SCHIP1: variants seen among roughly 807,000 people sequenced by gnomAD.
SCHIP1 encodes schwannomin interacting protein 1, also known as schwannomin-interacting protein 1.
Under a neutral mutation model 29.7 loss-of-function variants are expected in SCHIP1, and 8 were observed. That is an observed-to-expected ratio of 0.27 (90% CI 0.16 to 0.49). The LOEUF is 0.49. Ranked by LOEUF, SCHIP1 falls within the 20% of genes least tolerant of loss-of-function variation. SCHIP1 has a pLI of 0.99. For synonymous variants in SCHIP1, 76 were observed against 94.9 expected, an observed-to-expected ratio of 0.80 and a Z score of 1.16; for missense variants, 193 against 294.6, an observed-to-expected ratio of 0.66 and a Z score of 2.52.
the SCHIP1 span, among the ~76,000 whole-genome samples, chr3:159,363,031 C>A: frequency 6.6e-6 from 1 of 152,148 alleles, no homozygotes; most frequent in African/African-American, 2.4e-5. Flanking sequence ...TCCCTCTCTC[C>A]CTTCTCAGTT....
the SCHIP1 span, among the ~76,000 whole-genome samples, chr3:159,386,461 C>T: frequency 6.6e-6 from 1 of 152,202 alleles, no homozygotes; most frequent in African/African-American, 2.4e-5. Flanking sequence ...TGAAAATGAA[C>T]ATACTGCCCA....
the SCHIP1 span, among the ~76,000 whole-genome samples, chr3:159,419,536 C>T: frequency 3.3e-5 from 5 of 152,152 alleles, no homozygotes; most frequent in Admixed American, 6.6e-5. Context: ...TGGCTGGGCA[C>T]GTTGACTCAC....
the SCHIP1 span, among the ~76,000 whole-genome samples, chr3:159,563,851 A>AACAGCAATCC: frequency 6.6e-6 from 1 of 152,036 alleles, no homozygotes; most frequent in Non-Finnish European, 1.5e-5. Context: ...TAGAAGGAAA[A>AACAGCAATCC]ACAGCAATCC....
chr3:159,556,509 G>A, the SCHIP1 span, among the ~76,000 whole-genome samples: 1 of 152,038 alleles, frequency 6.6e-6, no homozygotes, highest in South Asian at 2.1e-4. Flanking sequence ...CAAAGACTTG[G>A]AACCAACCCA....
chr3:159,394,987 T>A, the SCHIP1 span, among the ~76,000 whole-genome samples: 2 of 152,236 alleles, frequency 1.3e-5, no homozygotes, highest in Non-Finnish European at 2.9e-5. Context: ...TTTTCACAAA[T>A]TCAGATCCTG....
chr3:159,398,177 C>A, the SCHIP1 span, among the ~76,000 whole-genome samples: 4 of 152,182 alleles, frequency 2.6e-5, no homozygotes, highest in Admixed American at 6.5e-5. Flanking sequence ...CCTCACCCTG[C>A]TTCAGCTCAC....
the SCHIP1 span, among the ~76,000 whole-genome samples, chr3:159,475,437 A>T: frequency 2.0e-5 from 3 of 152,116 alleles, no homozygotes; most frequent in African/African-American, 7.2e-5. Flanking sequence ...AGAAATGGGA[A>T]ATGATTGCTA....
At chr3:159,540,515 C>G in the SCHIP1 span, among the ~76,000 whole-genome samples, 1 of 152,082 alleles carries the variant, frequency 6.6e-6, no homozygotes, top group African/African-American at 2.4e-5. Context: ...AGGGAAGGCA[C>G]TTTTTAAATT....
the SCHIP1 span, among the ~76,000 whole-genome samples, chr3:159,809,113 C>T: frequency 6.6e-6 from 1 of 150,878 alleles, no homozygotes; most frequent in Non-Finnish European, 1.5e-5. Flanking sequence ...ATTAGGTATT[C>T]TCCTAATGCT....
the SCHIP1 span, among the ~76,000 whole-genome samples, chr3:159,522,558 T>C: frequency 6.6e-6 from 1 of 152,318 alleles, no homozygotes; most frequent in African/African-American, 2.4e-5. Flanking sequence ...TAGAAGCCTG[T>C]CTACTGTGGT....
the SCHIP1 span, among the ~76,000 whole-genome samples, chr3:159,504,124 G>A: frequency 6.6e-6 from 1 of 152,190 alleles, no homozygotes; most frequent in Non-Finnish European, 1.5e-5. Context: ...TAACAGAGGA[G>A]AGAGGACAGA....
chr3:159,605,220 G>C, the SCHIP1 span, among the ~76,000 whole-genome samples: 1 of 152,184 alleles, frequency 6.6e-6, no homozygotes, highest in Non-Finnish European at 1.5e-5. Flanking sequence ...AATAAATGTA[G>C]GGCTTCAGGG....
Position 159,881,528 on chromosome 3 carries a change from C to T in SCHIP1, c.150-4679C>T, listed in dbSNP as rs1226899569. On this transcript the variant is annotated intron_variant, in intron 2 of 6. Transcript: ENST00000445224. ...CTTTCATTCTGTTTCCTAAGGAAAGCCATACAATTGCCTTAAAATTATAAG... is the reference window on the plus strand; with the variant it reads ...CTTTCATTCTGTTTCCTAAGGAAAGTCATACAATTGCCTTAAAATTATAAG... Among the ~76,000 whole-genome samples the T allele has an allele frequency of 4.6e-5, 7 of 152,130 alleles. No homozygotes were observed. In the East Asian group the frequency reaches 1.3e-3, roughly 29 times the overall value.
the SCHIP1 span, among the ~76,000 whole-genome samples, chr3:159,527,021 T>G: frequency 4.6e-5 from 7 of 152,208 alleles, no homozygotes; most frequent in Non-Finnish European, 8.8e-5. Context: ...TATTATGACA[T>G]ACACACAGTC....
chr3:159,357,985 G>T, the SCHIP1 span, among the ~76,000 whole-genome samples: 1 of 152,240 alleles, frequency 6.6e-6, no homozygotes. Flanking sequence ...GGGGAAAGCT[G>T]TAGATATGAG....
chr3:159,595,601 T>G, the SCHIP1 span, among the ~76,000 whole-genome samples: 1 of 152,028 alleles, frequency 6.6e-6, no homozygotes, highest in South Asian at 2.1e-4. Context: ...AACAGTACCC[T>G]TGAGATGAAA....
the SCHIP1 span, among the ~76,000 whole-genome samples, chr3:159,793,857 C>G: frequency 0.14 from 21,851 of 152,208 alleles, 1,610 homozygotes; most frequent in East Asian, 0.22. Flanking sequence ...TGTGCCCGAC[C>G]TGTTTTCTTG....
At chr3:159,519,768 G>A in the SCHIP1 span, among the ~76,000 whole-genome samples, 1 of 151,706 alleles carries the variant, frequency 6.6e-6, no homozygotes, top group Non-Finnish European at 1.5e-5. Context: ...ACAATATCTT[G>A]AGCACTAGCT....
the SCHIP1 span, among the ~76,000 whole-genome samples, chr3:159,689,766 T>C: frequency 6.6e-6 from 1 of 152,176 alleles, no homozygotes; most frequent in Non-Finnish European, 1.5e-5. Context: ...TTTTGAGCTA[T>C]GTTCCATCAA....
Sources: gnomAD v4.1 joint callset for allele counts (sites outside exome capture counted in the v4.1 genomes callset) on GRCh38, gnomAD v4.1.1 for gene constraint, MANE v1.5 for transcripts, NCBI Gene and HGNC (gene_info 2026-07-23, HGNC 2026-07-21) for gene names.